Variants in PLCH2 observed in about 807,000 individuals in gnomAD.
PLCH2 encodes phospholipase C eta 2, also known as 1-phosphatidylinositol 4,5-bisphosphate phosphodiesterase eta-2.
A neutral mutation model predicts 134.7 loss-of-function variants in PLCH2; 98 were observed. The ratio of observed to expected loss-of-function variants is 0.73; its 90% CI spans 0.62 to 0.86. PLCH2 has a LOEUF of 0.86. Among genes scored for constraint, PLCH2 ranks in the 40% least tolerant of loss-of-function variants. PLCH2 has a pLI of 0.00. For synonymous variants in PLCH2, 974 were observed against 827.5 expected (o/e 1.18, Z -3.04); for missense variants, 1,994 against 1,986.6 (o/e 1.00, Z -0.07).
At chr1:2,471,402 T>A (rs1048383663), upstream of PLCH2, among the ~76,000 whole-genome samples, 2 of 152,232 alleles carry the variant, frequency 1.3e-5, no homozygotes, top group African/African-American at 2.4e-5. Flanking sequence ...TCAGAGGCCA[T>A]CCTGTCCACT....
intron 21 of PLCH2, chr1:2,503,462 G>A (rs543213041): frequency 3.3e-6 from 2 of 607,942 alleles, no homozygotes; most frequent in Non-Finnish European, 5.9e-6. Flanking sequence ...CTGGGCCCCA[G>A]GGCTTCGCTG....
At chr1:2,486,519 G>A (rs4648640) in intron 5 of PLCH2, among the ~76,000 whole-genome samples, 88,195 of 152,030 alleles carry the variant, frequency 0.58, 25,965 homozygotes, top group East Asian at 0.79. Flanking sequence ...TGGGCAGACA[G>A]TGGGAGGGGC....
chr1:2,435,968 CT>C (rs1639311557), intron 2 of PLCH2, among the ~76,000 whole-genome samples: 1 of 141,920 alleles, frequency 7.0e-6, no homozygotes, highest in African/African-American at 2.6e-5. Flanking sequence ...TCCCTCCTCC[CT>C]TCTTCCCTCC....
At chr1:2,465,590 G>A (rs1291101463), upstream of PLCH2, among the ~76,000 whole-genome samples, 3 of 152,016 alleles carry the variant, frequency 2.0e-5, no homozygotes, top group East Asian at 3.9e-4. Flanking sequence ...CCTGCCGCCC[G>A]CCACCTGCCA....
chr1:2,488,279 C>A (rs1642386289), intron 8 of PLCH2, among the ~76,000 whole-genome samples: 1 of 152,290 alleles, frequency 6.6e-6, no homozygotes, highest in South Asian at 2.1e-4. Flanking sequence ...CGAGCTGGCC[C>A]CATCCCTGGG....
At position 2,496,495 on chromosome 1, in the gene PLCH2, G is replaced by A. The variant is rs1345054031; in HGVS notation, c.1836-112G>A. 20 of 858,696 alleles carry A rather than the reference G, an allele frequency of 2.3e-5. No homozygotes were observed. The Admixed American group carries it at 3.0e-4, about 13-fold the overall frequency. 53.2% of individuals were successfully genotyped at this position (858,696 alleles called of 1,614,324 possible). A position where few individuals can be genotyped will look rare whatever the true frequency, so the allele number is the denominator to read the frequency against. ...CTGGCGTCCGTCTCTGATGGTTCGG[G>A]GCCTGCTGCGTGAATTAATGAGGCT... On this transcript the variant is annotated intron_variant, in intron 13 of 21. Transcript: ENST00000378486.
chr1:2,463,633 C>T (rs555833588), upstream of PLCH2, among the ~76,000 whole-genome samples: 16 of 151,526 alleles, frequency 1.1e-4, no homozygotes, highest in East Asian at 7.7e-4. Context: ...AGCTGCAGCC[C>T]GGAGACTGGT....
intron 2 of PLCH2, among the ~76,000 whole-genome samples, chr1:2,460,396 C>A (rs1408570401): frequency 6.6e-6 from 1 of 152,224 alleles, no homozygotes; most frequent in Non-Finnish European, 1.5e-5. Context: ...GTTAGTAAAC[C>A]CCGGCTGATG....
chr1:2,465,899 C>A (rs140504508), upstream of PLCH2, among the ~76,000 whole-genome samples: 3 of 152,206 alleles, frequency 2.0e-5, no homozygotes. Context: ...AGCCCGCACA[C>A]CCCTCTCCCT....
rs994668738 is a variant in PLCH2 at position 2,505,362 on chromosome 1, G to C, written c.*149G>C. On this transcript the variant is annotated 3_prime_UTR_variant, in exon 22 of 22. Coordinates refer to ENST00000378486, the MANE Select transcript of PLCH2 (RefSeq NM_014638.4). ...CCACCCCTGCCTCCCTCCTGCCCCT[G>C]CTCCCGGGGAGGAAAGGCTAAAGCT... The C allele has an allele frequency of 4.0e-5, 25 of 624,350 alleles. No individual in the cohort carries two copies. Among genetic ancestry groups the C allele is most frequent in the Non-Finnish European group, 5.7e-5 (21 of 369,202 alleles). 38.7% of individuals were successfully genotyped at this position (624,350 alleles called of 1,614,324 possible). A position where few individuals can be genotyped will look rare whatever the true frequency, so the allele number is the denominator to read the frequency against.
intron 12 of PLCH2, among the ~76,000 whole-genome samples, 151 bp downstream of exon 12, chr1:2,495,099 C>T (rs968016802): frequency 2.6e-5 from 4 of 152,056 alleles, no homozygotes; most frequent in African/African-American, 9.7e-5. Flanking sequence ...AGATGGGGGT[C>T]TCCTCCAGTC....
At chr1:2,436,340 CACCTT>C (rs1557943043) in intron 2 of PLCH2, among the ~76,000 whole-genome samples, 1,190 of 11,176 alleles carry the variant, frequency 0.11, 475 homozygotes, top group Non-Finnish European at 0.17. Context: ...TTCCTCCCTC[CACCTT>C]TCCTCCCTTC....
At chr1:2,463,194 GT>G (rs146057075), upstream of PLCH2, among the ~76,000 whole-genome samples, 1,911 of 152,316 alleles carry the variant, frequency 0.013, 44 homozygotes, top group African/African-American at 0.044. Context: ...CAGTGCGACT[GT>G]TGTGGACCAG....
intron 11 of PLCH2, among the ~76,000 whole-genome samples, chr1:2,494,035 A>G (rs1414480938): frequency 6.6e-6 from 1 of 152,120 alleles, no homozygotes; most frequent in Non-Finnish European, 1.5e-5. Flanking sequence ...GCCCCCTCCT[A>G]ACAGGGACCG....
intron 2 of PLCH2, among the ~76,000 whole-genome samples, chr1:2,450,015 C>T (rs1208819476): frequency 6.6e-6 from 1 of 152,200 alleles, no homozygotes; most frequent in East Asian, 1.9e-4. Context: ...GTGAATGAAG[C>T]TGTTTCTCTG....
rs1262242226 is a variant in PLCH2 at position 2,487,194 on chromosome 1, G to A, written c.932G>A (p.Ser311Asn). Residue 311 changes from serine to asparagine, a missense_variant, in exon 7 of 22, where the codon AGC becomes AAC. By Grantham distance (46) the Ser-to-Asn change is conservative. This residue lies in a region of PLCH2 where 1,094 missense variants were observed against 1,234.3 expected (regional missense o/e 0.89). Coordinates refer to ENST00000378486, the MANE Select transcript of PLCH2 (RefSeq NM_014638.4). The stretch of plus-strand genomic sequence containing the variant: ...GCAGGCTTCACCAACTACACCAGGA[G>A]CCCTGCTGGTGACATCTTCAACCCT... ...GIDGFTNYTR[S>N]PAGDIFNPEH... The A allele has an allele frequency of 1.3e-6, 2 of 1,577,762 alleles. No homozygotes were observed. Among genetic ancestry groups the A allele is most frequent in the Non-Finnish European group, 1.7e-6 (2 of 1,162,740 alleles).
intron 20 of PLCH2, chr1:2,501,552 G>A (rs1643226202): frequency 6.6e-6 from 1 of 152,644 alleles, no homozygotes; most frequent in Non-Finnish European, 1.5e-5. Context: ...CCTGGAAGAG[G>A]TGGTACTTCC....
chr1:2,449,218 C>T (rs1177495022), intron 2 of PLCH2, among the ~76,000 whole-genome samples: 3 of 151,324 alleles, frequency 2.0e-5, no homozygotes, highest in Admixed American at 6.6e-5. Flanking sequence ...TGGCCAGCCA[C>T]GGTGGCTCAT....
upstream of PLCH2, among the ~76,000 whole-genome samples, chr1:2,424,713 C>A (rs12116807): frequency 0.14 from 20,758 of 152,018 alleles, 1,770 homozygotes; most frequent in East Asian, 0.33. Context: ...TTAGGCCGGG[C>A]GCGGTGGCTC....
Sources: allele counts gnomAD v4.1 joint callset (sites outside exome capture counted in the v4.1 genomes callset), GRCh38; gene constraint gnomAD v4.1.1; regional missense constraint gnomAD v4.1.1; transcripts MANE v1.5; gene names NCBI Gene and HGNC (gene_info 2026-07-23, HGNC 2026-07-21).